The following CDH17 variants were observed in gnomAD, a reference collection of about 807,000 sequenced individuals.
CDH17 encodes cadherin-17.
CDH17 carries 67 observed loss-of-function variants against 86.3 expected under a neutral mutation model. The ratio of observed to expected loss-of-function variants is 0.78; its 90% CI spans 0.64 to 0.95. The LOEUF (loss-of-function observed/expected upper bound fraction) is 0.95. Ranked by LOEUF, CDH17 falls within the 40% of genes least tolerant of loss-of-function variation. The pLI is 0.00. For synonymous variants in CDH17, 367 were observed against 366.4 expected (o/e 1.00, Z -0.02); for missense variants, 993 against 1,017.6 (o/e 0.98, Z 0.33).
chr8:94,164,668 G>A (rs564867846), intron 10 of CDH17, among the ~76,000 whole-genome samples: 10 of 152,242 alleles, frequency 6.6e-5, no homozygotes, highest in African/African-American at 2.4e-4. Context: ...AGTGTGAAAC[G>A]TTTCTTGTTT....
chr8:94,215,943 A>T (rs1190705934), intron 1 of CDH17, among the ~76,000 whole-genome samples: 1 of 151,552 alleles, frequency 6.6e-6, no homozygotes, highest in Admixed American at 6.6e-5. Context: ...GAATAAGAAC[A>T]TTTCAGTACA....
chr8:94,160,798 A>G (rs1262112246), intron 11 of CDH17, among the ~76,000 whole-genome samples: 1 of 152,244 alleles, frequency 6.6e-6, no homozygotes, highest in East Asian at 1.9e-4. Context: ...GAAAATCAAC[A>G]AAACACCTTA....
At chr8:94,129,241 A>AAAT (rs1274225020) in intron 17 of CDH17, among the ~76,000 whole-genome samples, 2 of 152,170 alleles carry the variant, frequency 1.3e-5, no homozygotes, top group African/African-American at 4.8e-5. Flanking sequence ...GTGGGAGGGC[A>AAAT]AATAGAATAA....
rs1002408438 is a variant in CDH17 at position 94,188,993 on chromosome 8, A to G, written c.150+194T>C. Among the ~76,000 whole-genome samples, 8 of 152,318 alleles carry G rather than the reference A, an allele frequency of 5.3e-5. No individual in the cohort carries two copies. In the East Asian group the frequency reaches 1.2e-3, roughly 22 times the overall value. On this transcript the variant is annotated intron_variant, in intron 3 of 17. Transcript: ENST00000027335. Reference sequence around the variant, plus strand: ...CCCCAGAGATGATTGAGGAAGTCCAAATAGAATGTCAGGTACAATTCTTAT... The same window carrying G: ...CCCCAGAGATGATTGAGGAAGTCCAGATAGAATGTCAGGTACAATTCTTAT...
intron 1 of CDH17, among the ~76,000 whole-genome samples, chr8:94,213,619 T>C (rs1033586320): frequency 3.9e-5 from 6 of 152,194 alleles, no homozygotes; most frequent in Non-Finnish European, 8.8e-5. Context: ...TCTCTGTCTC[T>C]TATCAGATTT....
At chr8:94,162,294 T>C (rs1283753714) in intron 10 of CDH17, 132 bp from the exon 11 acceptor site, 2 of 650,468 alleles carry the variant, frequency 3.1e-6, no homozygotes, top group African/African-American at 3.6e-5. Context: ...ATGCAATTTG[T>C]GCAGAGAGTG....
In CDH17 at chr8:94,152,977, T is replaced by C. The variant is rs1221467606; in HGVS notation, c.1552-865A>G. Among the ~76,000 whole-genome samples the C allele has an allele frequency of 2.9e-4, 44 of 152,186 alleles. 1 individual carries two copies. Among genetic ancestry groups the C allele is most frequent in the Admixed American group, 2.9e-3 (44 of 15,278 alleles). ...GCCACTATGCCCAGCCTAGCAATGA[T>C]CTTTTAGGTGTGACCCCAAAAACAC... is the stretch of plus-strand genomic sequence containing the variant. On this transcript the variant is annotated intron_variant, in intron 12 of 17. Transcript: ENST00000027335.
chr8:94,152,432 C>T (rs1812873444), intron 12 of CDH17, among the ~76,000 whole-genome samples: 1 of 152,160 alleles, frequency 6.6e-6, no homozygotes, highest in Non-Finnish European at 1.5e-5. Flanking sequence ...TGTCACCCAG[C>T]CTTGAGCCTT....
Position 94,214,944 on chromosome 8 carries a change from G to C in CDH17, c.-21+2254C>G, listed in dbSNP as rs372116719. 8.5e-5 allele frequency among the ~76,000 whole-genome samples: 13 copies of C among 152,066 alleles called. No homozygotes were observed. In the South Asian group the frequency reaches 1.2e-3, roughly 15 times the overall value. On this transcript the variant is annotated intron_variant, in intron 1 of 17. Coordinates refer to the CDH17 transcript ENST00000450165. Reference sequence around the variant, plus strand: ...TAAGATGGCATTTCATACCCACCAGGGTGTTTCATACCCACCAGGACAGCT... The same window carrying C: ...TAAGATGGCATTTCATACCCACCAGCGTGTTTCATACCCACCAGGACAGCT...
At chr8:94,163,787 T>C (rs11776675) in intron 10 of CDH17, among the ~76,000 whole-genome samples, 35,719 of 152,130 alleles carry the variant, frequency 0.23, 5,217 homozygotes, top group South Asian at 0.37. Flanking sequence ...TGGATATTGA[T>C]TGAAGTTAAG....
intron 7 of CDH17, 149 bp downstream of exon 7, chr8:94,173,648 C>T (rs1390277661): frequency 3.1e-5 from 21 of 668,444 alleles, no homozygotes; most frequent in South Asian, 5.5e-5. Flanking sequence ...TCCAGTGACT[C>T]GGGGCCAGAG....
intron 3 of CDH17, among the ~76,000 whole-genome samples, chr8:94,186,908 C>T (rs1163886258): frequency 3.3e-5 from 5 of 152,176 alleles, no homozygotes; most frequent in African/African-American, 1.2e-4. Context: ...TTGACTGCAT[C>T]CTGTCTCCCA....
At chr8:94,167,375 A>G (rs968290435) in intron 9 of CDH17, among the ~76,000 whole-genome samples, 3 of 152,094 alleles carry the variant, frequency 2.0e-5, no homozygotes, top group Non-Finnish European at 4.4e-5. Context: ...CCATTTGTGG[A>G]GTTACACCCC....
At chr8:94,141,852 CA>C (rs1332329774) in intron 15 of CDH17, among the ~76,000 whole-genome samples, 1 of 152,056 alleles carries the variant, frequency 6.6e-6, no homozygotes, top group Admixed American at 6.6e-5. Flanking sequence ...TAGAAAGGAA[CA>C]GGCTACATTC....
At chr8:94,199,077 ATATATATTTTTTTT>A (rs1313610329) in intron 1 of CDH17, among the ~76,000 whole-genome samples, 8 of 8,764 alleles carry the variant, frequency 9.1e-4, no homozygotes, top group African/African-American at 1.7e-3. Context: ...ATATATATAT[ATATATATTTTTTTT>A]TTTTTATCAT....
intron 15 of CDH17, 51 bp downstream of exon 15, chr8:94,145,877 C>A: frequency 6.4e-7 from 1 of 1,567,166 alleles, no homozygotes; most frequent in Non-Finnish European, 8.7e-7. Flanking sequence ...TAAATAAAAC[C>A]TACTTTCATC....
intron 15 of CDH17, among the ~76,000 whole-genome samples, chr8:94,141,035 G>A (rs1439525401): frequency 1.3e-5 from 2 of 152,012 alleles, no homozygotes; most frequent in Non-Finnish European, 2.9e-5. Flanking sequence ...AATATAGAGA[G>A]AGACCAACAT....
intron 11 of CDH17, among the ~76,000 whole-genome samples, chr8:94,161,620 T>C (rs1162773002): frequency 6.6e-6 from 1 of 152,218 alleles, no homozygotes; most frequent in African/African-American, 2.4e-5. Flanking sequence ...TTTCTTTGGC[T>C]TAAGTCAGAG....
At chr8:94,187,371 G>T (rs544219405) in intron 3 of CDH17, among the ~76,000 whole-genome samples, 3 of 152,178 alleles carry the variant, frequency 2.0e-5, no homozygotes, top group Non-Finnish European at 4.4e-5. Context: ...CTTACTAGCT[G>T]GTAAGCTCAC....
Sources: gnomAD v4.1 joint callset for allele counts (sites outside exome capture counted in the v4.1 genomes callset) on GRCh38, gnomAD v4.1.1 for gene constraint, MANE v1.5 for transcripts, NCBI Gene and HGNC (gene_info 2026-07-23, HGNC 2026-07-21) for gene names.